The following RIMS1 variants were observed in gnomAD, a reference collection of about 807,000 sequenced individuals.
RIMS1 encodes the protein regulating synaptic membrane exocytosis protein 1.
RIMS1 carries 83 observed loss-of-function variants against 214.1 expected under a neutral mutation model. That is an observed-to-expected ratio of 0.39 (90% CI 0.32 to 0.47). RIMS1 has a LOEUF of 0.47. RIMS1 is among the 20% of genes least tolerant of loss of function. The pLI, the probability that RIMS1 is intolerant of heterozygous loss-of-function variation, is 0.99. For missense variants in RIMS1, 2,050 were observed against 2,161.8 expected (o/e 0.95, Z 1.03); for synonymous variants, 793 against 786.8 (o/e 1.01, Z -0.13).
chr6:72,170,331 A>G (rs1041950904), intron 4 of RIMS1, among the ~76,000 whole-genome samples: 3 of 152,034 alleles, frequency 2.0e-5, no homozygotes, highest in African/African-American at 4.8e-5. Flanking sequence ...TATGTTTACC[A>G]TTATGGGTTT....
chr6:72,164,932 C>A (rs2046044162), intron 4 of RIMS1, among the ~76,000 whole-genome samples: 1 of 152,158 alleles, frequency 6.6e-6, no homozygotes, highest in Non-Finnish European at 1.5e-5. Context: ...CCTCCAAAGG[C>A]CCCAACTCCA....
At chr6:72,227,351 G>T (rs2060494527) in intron 6 of RIMS1, among the ~76,000 whole-genome samples, 2 of 151,924 alleles carry the variant, frequency 1.3e-5, no homozygotes, top group African/African-American at 4.8e-5. Flanking sequence ...GTGGATTTCT[G>T]TGGTGCTCTA....
chr6:72,223,237 G>T (rs778313355), intron 6 of RIMS1, among the ~76,000 whole-genome samples: 1 of 152,080 alleles, frequency 6.6e-6, no homozygotes, highest in Non-Finnish European at 1.5e-5. Flanking sequence ...CCATCCTTTG[G>T]CAAGACTCTC....
chr6:72,363,604 A>G (rs1314359393), intron 29 of RIMS1, among the ~76,000 whole-genome samples: 1 of 152,200 alleles, frequency 6.6e-6, no homozygotes, highest in Non-Finnish European at 1.5e-5. Context: ...ATGCCTTTTC[A>G]TTGACAATGA....
intron 33 of RIMS1, among the ~76,000 whole-genome samples, 187 bp from the exon 34 acceptor site, chr6:72,400,309 A>G (rs557930849): frequency 2.6e-5 from 4 of 152,184 alleles, no homozygotes; most frequent in Non-Finnish European, 5.9e-5. Context: ...ATTATTGTGA[A>G]GTGTCTATGA....
intron 2 of RIMS1, among the ~76,000 whole-genome samples, chr6:72,032,101 G>A (rs1818278078): frequency 6.6e-6 from 1 of 151,998 alleles, no homozygotes; most frequent in Admixed American, 6.6e-5. Context: ...AAGAACATAA[G>A]CAAAGTTGTA....
At chr6:72,168,561 A>C (rs2046586510) in intron 4 of RIMS1, among the ~76,000 whole-genome samples, 1 of 152,068 alleles carries the variant, frequency 6.6e-6, no homozygotes, top group African/African-American at 2.4e-5. Flanking sequence ...AATTATACGC[A>C]ATGCTCACTT....
intron 2 of RIMS1, among the ~76,000 whole-genome samples, chr6:72,051,229 T>G (rs78128679): frequency 6.6e-6 from 1 of 152,286 alleles, no homozygotes; most frequent in Non-Finnish European, 1.5e-5. Flanking sequence ...ACTTTGAACT[T>G]GGCCCTGGAA....
chr6:72,105,006 T>C (rs917714622), intron 4 of RIMS1, among the ~76,000 whole-genome samples: 8 of 152,158 alleles, frequency 5.3e-5, no homozygotes, highest in African/African-American at 1.9e-4. Flanking sequence ...TCACAGCTCA[T>C]GGCAACCTAA....
At chr6:72,132,952 G>GT (rs1449454154) in intron 4 of RIMS1, among the ~76,000 whole-genome samples, 1 of 151,472 alleles carries the variant, frequency 6.6e-6, no homozygotes, top group Non-Finnish European at 1.5e-5. Context: ...ATATCCATAT[G>GT]TTTTTTATTA....
At chr6:72,263,787 A>C (rs901390885) in intron 19 of RIMS1, 1 of 712,934 alleles carries the variant, frequency 1.4e-6, no homozygotes, top group African/African-American at 2.0e-5. Context: ...AACATGGTGA[A>C]ACCCCGTCTC....
chr6:72,157,926 G>A (rs1315326820), intron 4 of RIMS1, among the ~76,000 whole-genome samples: 1 of 139,854 alleles, frequency 7.2e-6, no homozygotes, highest in African/African-American at 2.5e-5. Context: ...AAAATCTTAT[G>A]TTATTAATGC....
intron 10 of RIMS1, among the ~76,000 whole-genome samples, chr6:72,244,704 A>C (rs1424620902): frequency 6.6e-6 from 1 of 151,862 alleles, no homozygotes; most frequent in Non-Finnish European, 1.5e-5. Context: ...AAAATTTATA[A>C]AATACACAGC....
intron 4 of RIMS1, among the ~76,000 whole-genome samples, chr6:72,169,940 C>T (rs565677326): frequency 1.3e-5 from 2 of 152,192 alleles, no homozygotes; most frequent in East Asian, 1.9e-4. Flanking sequence ...GATGACTTCT[C>T]TCCTCAGAAT....
intron 16 of RIMS1, among the ~76,000 whole-genome samples, chr6:72,257,515 G>T (rs2076382192): frequency 6.6e-6 from 1 of 151,934 alleles, no homozygotes; most frequent in South Asian, 2.1e-4. Flanking sequence ...ACATTATTGT[G>T]ATAGTCATCT....
intron 6 of RIMS1, chr6:72,212,804 T>A: frequency 9.6e-7 from 1 of 1,036,900 alleles, no homozygotes; most frequent in Non-Finnish European, 1.2e-6. Flanking sequence ...CCAATATGCT[T>A]CTCCTCAGTA....
At chr6:72,356,151 C>A (rs1168287661) in intron 29 of RIMS1, among the ~76,000 whole-genome samples, 1 of 152,160 alleles carries the variant, frequency 6.6e-6, no homozygotes, top group Non-Finnish European at 1.5e-5. Context: ...ATGCTGACAA[C>A]TGACCTTAAC....
chr6:71,899,696 AT>A (rs1451773042), intron 1 of RIMS1, among the ~76,000 whole-genome samples: 1 of 152,094 alleles, frequency 6.6e-6, no homozygotes, highest in Non-Finnish European at 1.5e-5. Context: ...CTTTCTGTGG[AT>A]TTTATGGCAG....
chr6:72,229,052 T>TTGG (rs1361861699), intron 6 of RIMS1, among the ~76,000 whole-genome samples: 1 of 151,904 alleles, frequency 6.6e-6, no homozygotes, highest in Non-Finnish European at 1.5e-5. Context: ...CCTTTTTTTT[T>TTGG]TGGTCCTGGA....
Sources: gnomAD v4.1 joint callset for allele counts (sites outside exome capture counted in the v4.1 genomes callset) on GRCh38, gnomAD v4.1.1 for gene constraint, MANE v1.5 for transcripts, NCBI Gene and HGNC (gene_info 2026-07-23, HGNC 2026-07-21) for gene names.